VPS37A: variants seen among roughly 807,000 people sequenced by gnomAD.
The protein encoded by VPS37A is vacuolar protein sorting-associated protein 37A.
A neutral mutation model predicts 49.8 loss-of-function variants in VPS37A; 30 were observed. That is an observed-to-expected ratio of 0.60 (90% CI 0.45 to 0.82). The LOEUF (loss-of-function observed/expected upper bound fraction) is 0.82, where lower values mean the gene tolerates loss of function less well. Among genes scored for constraint, VPS37A ranks in the 40% least tolerant of loss-of-function variants. VPS37A has a pLI of 0.00. For missense variants in VPS37A, 593 were observed against 464.4 expected, an observed-to-expected ratio of 1.28 and a Z score of -2.55; for synonymous variants, 195 against 160.6, an observed-to-expected ratio of 1.21 and a Z score of -1.62.
the VPS37A span, chr8:17,313,431 A>T: frequency 5.7e-6 from 8 of 1,407,588 alleles, no homozygotes; most frequent in Non-Finnish European, 8.0e-6. Flanking sequence ...ATAAAAGCAA[A>T]ATTAAGGTAC....
chr8:17,282,671 T>C (rs535314948), intron 9 of VPS37A, among the ~76,000 whole-genome samples: 4 of 152,230 alleles, frequency 2.6e-5, no homozygotes, highest in Admixed American at 2.6e-4. Flanking sequence ...AAGATTCTGC[T>C]TTAACAGTTA....
At chr8:17,320,930 C>A in the VPS37A span, among the ~76,000 whole-genome samples, 1 of 152,220 alleles carries the variant, frequency 6.6e-6, no homozygotes, top group Admixed American at 6.5e-5. Context: ...TACACACATT[C>A]CACTGCGTGA....
At chr8:17,261,370 T>G (rs945478623) in intron 1 of VPS37A, among the ~76,000 whole-genome samples, 1 of 152,184 alleles carries the variant, frequency 6.6e-6, no homozygotes, top group Admixed American at 6.5e-5. Flanking sequence ...AATTTCTGAA[T>G]TTTTTGTTTT....
chr8:17,319,813 G>GT, the VPS37A span, among the ~76,000 whole-genome samples: 5 of 151,958 alleles, frequency 3.3e-5, no homozygotes, highest in South Asian at 4.2e-4. Flanking sequence ...CCTCAGGTTG[G>GT]TTTTTTTTCA....
intron 11 of VPS37A, among the ~76,000 whole-genome samples, chr8:17,289,787 T>G (rs1040712388): frequency 6.6e-6 from 1 of 152,240 alleles, no homozygotes; most frequent in Non-Finnish European, 1.5e-5. Context: ...TATAAATTAC[T>G]TTGGTCAGTA....
chr8:17,265,052 A>G (rs1778036229), intron 1 of VPS37A, among the ~76,000 whole-genome samples: 1 of 152,230 alleles, frequency 6.6e-6, no homozygotes, highest in Non-Finnish European at 1.5e-5. Flanking sequence ...TTTCTCACAC[A>G]TAAAGCAAAT....
the VPS37A span, among the ~76,000 whole-genome samples, chr8:17,308,176 A>C: frequency 1.4e-5 from 2 of 146,612 alleles, no homozygotes; most frequent in South Asian, 4.3e-4. Context: ...ACTGCAAATC[A>C]AAAAAAAAAG....
chr8:17,273,023 C>CTTTTTTTTT (rs1166192119), intron 4 of VPS37A, among the ~76,000 whole-genome samples: 7 of 43,826 alleles, frequency 1.6e-4, no homozygotes, highest in African/African-American at 4.1e-4. Context: ...TTTGCCCTTC[C>CTTTTTTTTT]TTTTTTTTTT....
At chr8:17,251,865 G>A (rs1812010914) in intron 1 of VPS37A, among the ~76,000 whole-genome samples, 1 of 152,064 alleles carries the variant, frequency 6.6e-6, no homozygotes, top group Non-Finnish European at 1.5e-5. Context: ...AAAACTTCTT[G>A]TAGAGTCAGC....
At position 17,286,431 on chromosome 8, in the gene VPS37A, A is replaced by C. The variant is rs1260704544; in HGVS notation, c.*4A>C. 6.2e-7 allele frequency: 1 copy of C among 1,612,038 alleles called. No individual in the cohort carries two copies. Among genetic ancestry groups the C allele is most frequent in the Admixed American group, 1.7e-5 (1 of 59,700 alleles). ...CCAATTTCATGCTCCACTATAGGTA[A>C]ATTGTATTTCAAGTTTGAGTCTCAA... is the stretch of plus-strand genomic sequence containing the variant. On this transcript the variant is annotated splice_donor_region_variant and intron_variant, in intron 11 of 11. Coordinates refer to ENST00000324849, the MANE Select transcript of VPS37A (RefSeq NM_152415.3).
the VPS37A span, among the ~76,000 whole-genome samples, chr8:17,332,923 G>A: frequency 1.1e-4 from 17 of 152,290 alleles, no homozygotes; most frequent in African/African-American, 3.1e-4. Flanking sequence ...CATGGCAGGC[G>A]ACAGGAGAAT....
chr8:17,323,657 G>A, the VPS37A span, among the ~76,000 whole-genome samples: 2 of 152,004 alleles, frequency 1.3e-5, no homozygotes, highest in South Asian at 4.2e-4. Flanking sequence ...GGGGTGGGGG[G>A]TCATTCCACA....
chr8:17,329,952 G>T, the VPS37A span, among the ~76,000 whole-genome samples: 1 of 152,068 alleles, frequency 6.6e-6, no homozygotes, highest in Non-Finnish European at 1.5e-5. Context: ...GATGTAGGAA[G>T]GGATTTCTGC....
At chr8:17,314,920 CTA>C in the VPS37A span, among the ~76,000 whole-genome samples, 1 of 152,122 alleles carries the variant, frequency 6.6e-6, no homozygotes, top group African/African-American at 2.4e-5. Context: ...CAGGAAGACA[CTA>C]TGTGTCTGAT....
rs181399322 is a variant in VPS37A at position 17,250,146 on chromosome 8, G to A, written c.125+2777G>A. Among the ~76,000 whole-genome samples the A allele has an allele frequency of 2.0e-5, 3 of 152,292 alleles. No homozygotes were observed. In the East Asian group the frequency reaches 5.8e-4, roughly 29 times the overall value. On this transcript the variant is annotated intron_variant, in intron 1 of 11. Coordinates refer to ENST00000324849, the MANE Select transcript of VPS37A (RefSeq NM_152415.3). ...AGTTTGTAATATACCGCCCAGGGGAGGAGGAATTCTGGTTTCTATGACTTC... is the reference window on the plus strand; with the variant it reads ...AGTTTGTAATATACCGCCCAGGGGAAGAGGAATTCTGGTTTCTATGACTTC...
At chr8:17,331,088 T>G in the VPS37A span, 1 of 1,552,382 alleles carries the variant, frequency 6.4e-7, no homozygotes, top group Non-Finnish European at 8.7e-7. Flanking sequence ...GACTATCTTA[T>G]TCCCTTTTGG....
intron 4 of VPS37A, among the ~76,000 whole-genome samples, chr8:17,272,388 A>T (rs1445549914): frequency 1.3e-5 from 2 of 152,138 alleles, no homozygotes; most frequent in African/African-American, 4.8e-5. Context: ...TTATTTTCAG[A>T]TAAAAAATGT....
intron 10 of VPS37A, among the ~76,000 whole-genome samples, chr8:17,285,718 TC>T (rs778007441): frequency 6.6e-6 from 1 of 152,182 alleles, no homozygotes; most frequent in Non-Finnish European, 1.5e-5. Context: ...TGATTTCTGC[TC>T]CATTATTCTT....
At chr8:17,308,914 C>G in the VPS37A span, among the ~76,000 whole-genome samples, 1 of 152,158 alleles carries the variant, frequency 6.6e-6, no homozygotes, top group African/African-American at 2.4e-5. Flanking sequence ...AGAAACTGTT[C>G]CACGGGCAGT....
Sources: gnomAD v4.1 joint callset for allele counts (sites outside exome capture counted in the v4.1 genomes callset) on GRCh38, gnomAD v4.1.1 for gene constraint, MANE v1.5 for transcripts, NCBI Gene and HGNC (gene_info 2026-07-23, HGNC 2026-07-21) for gene names.